The following HADH variants were observed in gnomAD, a reference collection of about 807,000 sequenced individuals.
HADH encodes the protein hydroxyacyl-CoA dehydrogenase.
HADH carries 24 observed loss-of-function variants against 32.2 expected under a neutral mutation model. The observed-to-expected ratio is 0.75, with a 90% CI of 0.54 to 1.05. The LOEUF (loss-of-function observed/expected upper bound fraction) is 1.05. Among genes scored for constraint, HADH ranks in the 50% least tolerant of loss-of-function variants. The pLI is 0.00. For missense variants in HADH, 350 were observed against 397.1 expected (o/e 0.88, Z 1.01); for synonymous variants, 139 against 152.5 (o/e 0.91, Z 0.65).
At chr4:108,027,844 C>A in intron 6 of HADH, 84 bp downstream of exon 6, 1 of 833,902 alleles carries the variant, frequency 1.2e-6, no homozygotes, top group Non-Finnish European at 2.1e-6. Flanking sequence ...TAGGAGGGGT[C>A]GGGCCGTGCA....
intron 1 of HADH, among the ~76,000 whole-genome samples, chr4:107,991,108 G>T (rs1734783425): frequency 1.3e-5 from 2 of 151,968 alleles, no homozygotes. Flanking sequence ...TGTGGTTCAG[G>T]CTCAGTTGTG....
chr4:107,990,466 G>A (rs1734746968), intron 1 of HADH, among the ~76,000 whole-genome samples: 1 of 152,348 alleles, frequency 6.6e-6, no homozygotes, highest in South Asian at 2.1e-4. Flanking sequence ...CATGAACTGC[G>A]ATCAGTTTTA....
chr4:108,017,441 G>C (rs1182651296), intron 3 of HADH, among the ~76,000 whole-genome samples: 1 of 151,946 alleles, frequency 6.6e-6, no homozygotes, highest in Non-Finnish European at 1.5e-5. Context: ...TGCTTGTGTT[G>C]TCGATTTTCT....
intron 6 of HADH, chr4:108,028,886 C>A: frequency 5.0e-6 from 2 of 398,548 alleles, no homozygotes; most frequent in Non-Finnish European, 8.8e-6. Context: ...TGAAAGCCCT[C>A]TTCTTGTCTG....
intron 2 of HADH, 25 bp from the exon 3 acceptor site, chr4:108,014,406 T>G: frequency 6.2e-7 from 1 of 1,614,040 alleles, no homozygotes; most frequent in Non-Finnish European, 8.5e-7. Flanking sequence ...CGGTGAATGT[T>G]CTCTTCTTCC....
chr4:108,009,851 G>T lies in HADH; in HGVS notation c.225G>T (p.Arg75Ser). 2 of 1,611,916 alleles carry T rather than the reference G, an allele frequency of 1.2e-6. No individual in the cohort carries two copies. Among genetic ancestry groups the T allele is most frequent in the Non-Finnish European group, 1.7e-6 (2 of 1,177,964 alleles). The change falls in exon 2 of 8, where the codon AGG becomes AGT. Residue 75 changes from arginine to serine, a missense_variant. Transcript: ENST00000309522. ...KSKKGIEESL[R>S]KVAKKKFAEN... ...AAAAGGGAATTGAGGAAAGCCTTAG[G>T]AAAGTGGCAAAGAAGAAGTTTGCAG...
At chr4:107,992,742 C>T (rs1431847832) in intron 1 of HADH, among the ~76,000 whole-genome samples, 1 of 152,168 alleles carries the variant, frequency 6.6e-6, no homozygotes, top group Admixed American at 6.5e-5. Flanking sequence ...CAAGCAGTTA[C>T]ATATATCAAG....
At chr4:108,013,433 C>A (rs1255250381) in intron 2 of HADH, among the ~76,000 whole-genome samples, 1 of 152,060 alleles carries the variant, frequency 6.6e-6, no homozygotes, top group Admixed American at 6.6e-5. Flanking sequence ...CTGAGCCACA[C>A]CCTAAAGATA....
intron 6 of HADH, chr4:108,031,156 A>G (rs1736247963): frequency 6.6e-6 from 1 of 152,226 alleles, no homozygotes; most frequent in South Asian, 2.1e-4. Flanking sequence ...CCAGTACATA[A>G]GCATGTTAGG....
At chr4:108,010,804 GTT>G (rs1372435034) in intron 2 of HADH, among the ~76,000 whole-genome samples, 1 of 148,876 alleles carries the variant, frequency 6.7e-6, no homozygotes, top group African/African-American at 2.5e-5. Context: ...TTAGCATAAA[GTT>G]TTCAAGGTTC....
intron 1 of HADH, among the ~76,000 whole-genome samples, chr4:107,994,272 A>G (rs953407286): frequency 2.0e-5 from 3 of 151,836 alleles, no homozygotes; most frequent in Admixed American, 1.3e-4. Flanking sequence ...CAGAAAGTGC[A>G]TATTTTTTCT....
At chr4:108,032,195 G>A in intron 6 of HADH, 5 of 562,618 alleles carry the variant, frequency 8.9e-6, no homozygotes, top group Non-Finnish European at 1.3e-5. Context: ...GCCACCTGTT[G>A]CAGACTATTC....
At chr4:107,994,320 G>A (rs1176653551) in intron 1 of HADH, among the ~76,000 whole-genome samples, 1 of 152,046 alleles carries the variant, frequency 6.6e-6, no homozygotes, top group Non-Finnish European at 1.5e-5. Context: ...CAAAGTAAGG[G>A]CAGGGAGAGC....
intron 4 of HADH, among the ~76,000 whole-genome samples, chr4:108,021,732 G>A (rs1261855366): frequency 6.6e-6 from 1 of 152,180 alleles, no homozygotes; most frequent in Non-Finnish European, 1.5e-5. Context: ...CCCCAGCTCA[G>A]TCTGTGGTTT....
intron 1 of HADH, 26 bp downstream of exon 1, chr4:107,990,090 C>G: frequency 6.3e-7 from 1 of 1,591,954 alleles, no homozygotes; most frequent in Non-Finnish European, 8.5e-7. Context: ...TGCAGCGTGC[C>G]CACGCGCTTG....
At chr4:108,010,463 G>A (rs1053200720) in intron 2 of HADH, among the ~76,000 whole-genome samples, 4 of 152,112 alleles carry the variant, frequency 2.6e-5, no homozygotes, top group Non-Finnish European at 4.4e-5. Context: ...CATTTAATTA[G>A]AAATACAGCA....
chr4:107,999,455 C>G (rs1411758976), intron 1 of HADH, among the ~76,000 whole-genome samples: 2 of 152,188 alleles, frequency 1.3e-5, no homozygotes, highest in Admixed American at 6.5e-5. Context: ...TGGTAATTGA[C>G]TAGACTCTGG....
chr4:108,015,419 A>C (rs1735658623), intron 3 of HADH, among the ~76,000 whole-genome samples: 1 of 152,156 alleles, frequency 6.6e-6, no homozygotes, highest in African/African-American at 2.4e-5. Context: ...ATTGACCACT[A>C]GTGTGTCTTT....
At position 108,001,638 on chromosome 4, in the gene HADH, TA is replaced by T. The variant is rs567496286; in HGVS notation, c.133-8120del. Among the ~76,000 whole-genome samples, 694 of 152,282 alleles carry T rather than the reference TA, an allele frequency of 4.6e-3. 4 individuals carry two copies. The highest frequency in any genetic ancestry group is 0.015 in the African/African-American group (634 of 41,546). ...TGAAACTGCAGATAGTACCAAATCC[TA>T]TACATACTATGTCTTTTTGATCTGA... On this transcript the variant is annotated intron_variant, in intron 1 of 7. Coordinates refer to ENST00000309522, the MANE Select transcript of HADH (RefSeq NM_005327.7).
Sources: allele counts gnomAD v4.1 joint callset (sites outside exome capture counted in the v4.1 genomes callset), GRCh38; gene constraint gnomAD v4.1.1; transcripts MANE v1.5; gene names NCBI Gene and HGNC (gene_info 2026-07-23, HGNC 2026-07-21).